Variants in MACROD2 observed in about 807,000 individuals in gnomAD.
The protein encoded by MACROD2 is mono-ADP ribosylhydrolase 2.
A neutral mutation model predicts 70.4 loss-of-function variants in MACROD2; 36 were observed. The observed-to-expected ratio is 0.51, with a 90% CI of 0.39 to 0.68. The LOEUF (loss-of-function observed/expected upper bound fraction) is 0.68. MACROD2 is among the 30% of genes least tolerant of loss of function. MACROD2 has a pLI of 0.00. For synonymous variants in MACROD2, 172 were observed against 178.8 expected (o/e 0.96, Z 0.30); for missense variants, 496 against 538.4 (o/e 0.92, Z 0.78).
intron 3 of MACROD2, among the ~76,000 whole-genome samples, chr20:14,138,400 T>C (rs1439991151): frequency 6.6e-6 from 1 of 152,172 alleles, no homozygotes; most frequent in Admixed American, 6.5e-5. Context: ...AATATGCTAT[T>C]TATATGCAGT....
chr20:14,810,283 A>T (rs1485519241), intron 5 of MACROD2, among the ~76,000 whole-genome samples: 5 of 152,154 alleles, frequency 3.3e-5, no homozygotes, highest in Non-Finnish European at 7.4e-5. Context: ...GGCTGGTTCA[A>T]CATATGAAAA....
chr20:15,884,694 C>T (rs1304198224), intron 9 of MACROD2, among the ~76,000 whole-genome samples: 1 of 152,018 alleles, frequency 6.6e-6, no homozygotes, highest in Non-Finnish European at 1.5e-5. Context: ...GGAGAGAGGA[C>T]CAAACATAGA....
chr20:15,420,593 G>T (rs976502776), intron 6 of MACROD2, among the ~76,000 whole-genome samples: 13 of 122,886 alleles, frequency 1.1e-4, no homozygotes, highest in African/African-American at 4.0e-4. Context: ...ATTCACCCAT[G>T]CGATGGGGAA....
chr20:15,910,955 G>T (rs1223457934), intron 10 of MACROD2, among the ~76,000 whole-genome samples: 1 of 152,096 alleles, frequency 6.6e-6, no homozygotes, highest in Non-Finnish European at 1.5e-5. Context: ...CCTCTGTATT[G>T]GCTCTATTTC....
Position 14,151,811 on chromosome 20 carries a change from C to CTTTTTTTT in MACROD2, c.271+66104_271+66111dup, listed in dbSNP as rs144065987. ...GGTAATTGGCCTTGTTGTATTGTATCTTTTTTTTTTTTTTTTTTTTTTTTT... is the reference window on the plus strand; with the variant it reads ...GGTAATTGGCCTTGTTGTATTGTATCTTTTTTTTTTTTTTTTTTTTTTTTTTTTTTTTT... On this transcript the variant is annotated intron_variant, in intron 3 of 17. Coordinates refer to ENST00000684519, the MANE Select transcript of MACROD2 (RefSeq NM_001351661.2). Among the ~76,000 whole-genome samples, 7 of 59,190 alleles carry CTTTTTTTT rather than the reference C, an allele frequency of 1.2e-4. 1 individual carries two copies. Among genetic ancestry groups the CTTTTTTTT allele is most frequent in the Non-Finnish European group, 1.5e-4 (5 of 33,384 alleles). The allele number at this position is 59,190 out of a possible 152,430, so 38.8% of individuals were successfully genotyped here.
chr20:15,853,418 C>T lies in MACROD2; in HGVS notation c.646-9327C>T, dbSNP rs528977399. Among the ~76,000 whole-genome samples the T allele has an allele frequency of 1.9e-4, 29 of 152,042 alleles. 1 individual carries two copies. The highest frequency in any genetic ancestry group is 6.3e-4 in the African/African-American group (26 of 41,378). ...TAATACTGTAAAGGGATTTTGAAGA[C>T]GTAATTAAGGTCTCAAATCTTAAAA... On this transcript the variant is annotated intron_variant, in intron 8 of 17. Coordinates refer to ENST00000684519, the MANE Select transcript of MACROD2 (RefSeq NM_001351661.2).
chr20:15,784,822 T>C (rs1434059664), intron 8 of MACROD2, among the ~76,000 whole-genome samples: 1 of 152,078 alleles, frequency 6.6e-6, no homozygotes, highest in East Asian at 1.9e-4. Context: ...TAATAAAATG[T>C]TGGAAAATGA....
At chr20:14,561,726 T>C (rs1310192071) in intron 4 of MACROD2, among the ~76,000 whole-genome samples, 1 of 151,850 alleles carries the variant, frequency 6.6e-6, no homozygotes, top group African/African-American at 2.4e-5. Context: ...ATACTTCATG[T>C]GAGTTACTTG....
In MACROD2 at chr20:15,747,800, C is replaced by T. The variant is rs570808941; in HGVS notation, c.646-114945C>T. The stretch of plus-strand genomic sequence containing the variant: ...GTATACCCTTATTTCCTTTTCTTGT[C>T]TTATTACATTAACTAGTACTTCTAG... On this transcript the variant is annotated intron_variant, in intron 8 of 17. Transcript: ENST00000684519. Among the ~76,000 whole-genome samples, 155 of 152,018 alleles carry T rather than the reference C, an allele frequency of 1.0e-3. 1 individual carries two copies. Among genetic ancestry groups the T allele is most frequent in the Admixed American group, 2.2e-3 (34 of 15,242 alleles).
At chr20:15,670,724 T>G (rs1568964875) in intron 8 of MACROD2, among the ~76,000 whole-genome samples, 1 of 152,182 alleles carries the variant, frequency 6.6e-6, no homozygotes, top group East Asian at 1.9e-4. Flanking sequence ...TCTGTTCCTT[T>G]TTAGTCAATA....
chr20:14,702,611 GTGTATATATATATACA>G (rs1568747473), intron 5 of MACROD2, among the ~76,000 whole-genome samples: 6 of 25,422 alleles, frequency 2.4e-4, no homozygotes, highest in East Asian at 1.9e-3. Flanking sequence ...GTATATATAT[GTGTATATATATATACA>G]TATATATATG....
intron 8 of MACROD2, among the ~76,000 whole-genome samples, chr20:15,544,837 C>T (rs116946070): frequency 0.036 from 5,434 of 152,252 alleles, 115 homozygotes; most frequent in South Asian, 0.1. Flanking sequence ...TGCTTTTACC[C>T]TCTGACTTCT....
intron 8 of MACROD2, among the ~76,000 whole-genome samples, chr20:15,736,492 G>A (rs551481661): frequency 8.3e-4 from 126 of 152,294 alleles, no homozygotes; most frequent in African/African-American, 2.8e-3. Context: ...AAAAGTGTGA[G>A]CAGCATCTTG....
At chr20:14,639,354 C>A (rs996330754) in intron 4 of MACROD2, among the ~76,000 whole-genome samples, 1 of 151,108 alleles carries the variant, frequency 6.6e-6, no homozygotes, top group Non-Finnish European at 1.5e-5. Flanking sequence ...CATTCCATTT[C>A]AATTTCATGT....
At chr20:15,209,109 GTGGTGGTATTTATT>G (rs1475655664) in intron 5 of MACROD2, among the ~76,000 whole-genome samples, 1 of 127,870 alleles carries the variant, frequency 7.8e-6, no homozygotes. Context: ...GGTGGTGGTG[GTGGTGGTATTTATT>G]TATTTATTTA....
chr20:15,747,979 A>G (rs1486333484), intron 8 of MACROD2, among the ~76,000 whole-genome samples: 3 of 152,064 alleles, frequency 2.0e-5, no homozygotes, highest in African/African-American at 7.2e-5. Flanking sequence ...CTCTGCAGAT[A>G]TTTTTAAGTT....
At chr20:14,952,173 GATT>G (rs1410957832) in intron 5 of MACROD2, among the ~76,000 whole-genome samples, 4 of 152,126 alleles carry the variant, frequency 2.6e-5, no homozygotes, top group African/African-American at 9.7e-5. Flanking sequence ...GAATTTGCAT[GATT>G]TTGTAAAATA....
intron 3 of MACROD2, among the ~76,000 whole-genome samples, chr20:14,256,371 GTTATT>G (rs1473985948): frequency 6.6e-6 from 1 of 152,046 alleles, no homozygotes; most frequent in Non-Finnish European, 1.5e-5. Context: ...ATTCTTGTGA[GTTATT>G]TTATTGTAGT....
chr20:14,257,560 T>A (rs1462346830), intron 3 of MACROD2, among the ~76,000 whole-genome samples: 2 of 152,180 alleles, frequency 1.3e-5, no homozygotes, highest in East Asian at 3.8e-4. Flanking sequence ...ACATAATACT[T>A]ATTTTCTGTT....
Sources: allele counts gnomAD v4.1 joint callset (sites outside exome capture counted in the v4.1 genomes callset), GRCh38; gene constraint gnomAD v4.1.1; transcripts MANE v1.5; gene names NCBI Gene and HGNC (gene_info 2026-07-23, HGNC 2026-07-21).